MYO5B: variants seen among roughly 807,000 people sequenced by gnomAD.
MYO5B encodes the protein unconventional myosin-Vb.
A neutral mutation model predicts 229.3 loss-of-function variants in MYO5B; 143 were observed. The ratio of observed to expected loss-of-function variants is 0.62; its 90% CI spans 0.54 to 0.72. The LOEUF (loss-of-function observed/expected upper bound fraction) is 0.72. Ranked by LOEUF, MYO5B falls within the 30% of genes least tolerant of loss-of-function variation. MYO5B has a pLI of 0.00. For synonymous variants in MYO5B, 918 were observed against 885.2 expected, an observed-to-expected ratio of 1.04 and a Z score of -0.66; for missense variants, 2,321 against 2,331.0, an observed-to-expected ratio of 1.00 and a Z score of 0.09.
intron 10 of MYO5B, among the ~76,000 whole-genome samples, chr18:49,963,415 A>AATTTATTT (rs1159034209): frequency 8.6e-4 from 127 of 148,024 alleles, no homozygotes; most frequent in East Asian, 6.4e-3. Flanking sequence ...TTAATTAATT[A>AATTTATTT]ATTTATTTAT....
chr18:50,155,063 G>GA (rs2032658543), intron 1 of MYO5B, among the ~76,000 whole-genome samples: 1 of 152,192 alleles, frequency 6.6e-6, no homozygotes, highest in Non-Finnish European at 1.5e-5. Flanking sequence ...GGACAAATTT[G>GA]AAAAATAGCT....
chr18:49,971,797 G>C (rs1337613615), intron 10 of MYO5B, among the ~76,000 whole-genome samples: 2 of 152,312 alleles, frequency 1.3e-5, no homozygotes, highest in East Asian at 1.9e-4. Context: ...TTAACTCAGA[G>C]AGAGTGTGAA....
chr18:50,052,716 G>A (rs1176598452), intron 2 of MYO5B, among the ~76,000 whole-genome samples: 1 of 129,322 alleles, frequency 7.7e-6, no homozygotes, highest in Non-Finnish European at 1.7e-5. Context: ...AAAAAAAAAA[G>A]GTTAGCATGG....
intron 1 of MYO5B, among the ~76,000 whole-genome samples, chr18:50,063,299 T>C (rs2030735370): frequency 6.6e-6 from 1 of 152,180 alleles, no homozygotes; most frequent in Admixed American, 6.5e-5. Flanking sequence ...TTTCCCCAAA[T>C]GCTTTCCACT....
rs1481057723 is a variant in MYO5B at position 50,194,821 on chromosome 18, C to G, written c.-28G>C. The stretch of plus-strand genomic sequence containing the variant: ...CCCGGGCCGGGCGGGGCTCGGGCCC[C>G]GGCTCCTGGCTGCCCCGCGGCTCTC... On this transcript the variant is annotated 5_prime_UTR_variant, in exon 1 of 40. Transcript: ENST00000285039. The G allele has an allele frequency of 2.3e-6, 3 of 1,312,218 alleles. No individual in the cohort carries two copies. In the South Asian group the frequency reaches 6.6e-5, roughly 29 times the overall value. The allele number at this position is 1,312,218 out of a possible 1,614,324, so 81.3% of individuals were successfully genotyped here. A position where few individuals can be genotyped will look rare whatever the true frequency, so the allele number is the denominator to read the frequency against.
chr18:50,057,056 T>C (rs1845966686), intron 1 of MYO5B, among the ~76,000 whole-genome samples: 1 of 152,238 alleles, frequency 6.6e-6, no homozygotes, highest in African/African-American at 2.4e-5. Flanking sequence ...AACAAAGAGC[T>C]TTATTGCATC....
intron 4 of MYO5B, among the ~76,000 whole-genome samples, chr18:50,032,707 C>T (rs1028804088): frequency 2.0e-5 from 3 of 152,156 alleles, no homozygotes; most frequent in Non-Finnish European, 4.4e-5. Context: ...GTTCTCAGGC[C>T]GGGCATGGAG....
chr18:50,163,617 T>C (rs1281980130), intron 1 of MYO5B, among the ~76,000 whole-genome samples: 2 of 152,176 alleles, frequency 1.3e-5, no homozygotes, highest in East Asian at 3.8e-4. Flanking sequence ...TTTTCTGCAG[T>C]GCATTCCTGA....
At chr18:49,908,674 G>T (rs1216934700) in intron 18 of MYO5B, among the ~76,000 whole-genome samples, 1 of 152,128 alleles carries the variant, frequency 6.6e-6, no homozygotes, top group Non-Finnish European at 1.5e-5. Flanking sequence ...GAAGATTCAG[G>T]CTTGCACGAC....
chr18:50,015,124 G>C (rs1395937439), intron 4 of MYO5B, among the ~76,000 whole-genome samples: 1 of 152,194 alleles, frequency 6.6e-6, no homozygotes, highest in East Asian at 1.9e-4. Context: ...CTCTGCAGTG[G>C]GTTCACGGGA....
At chr18:50,088,606 C>T (rs1403034688) in intron 1 of MYO5B, among the ~76,000 whole-genome samples, 1 of 152,260 alleles carries the variant, frequency 6.6e-6, no homozygotes, top group Non-Finnish European at 1.5e-5. Context: ...GCCTCACCCT[C>T]TTTCAAGGAC....
At chr18:50,083,697 T>G (rs1440554158) in intron 1 of MYO5B, among the ~76,000 whole-genome samples, 3 of 152,214 alleles carry the variant, frequency 2.0e-5, no homozygotes, top group Non-Finnish European at 1.5e-5. Flanking sequence ...TCCCCTCATC[T>G]GTTCAACCAT....
intron 1 of MYO5B, among the ~76,000 whole-genome samples, chr18:50,114,411 C>T (rs1240463163): frequency 6.6e-6 from 1 of 152,174 alleles, no homozygotes; most frequent in Non-Finnish European, 1.5e-5. Context: ...CGCACTGACT[C>T]CTCCAAGCTA....
At chr18:50,144,317 C>G (rs982802745) in intron 1 of MYO5B, among the ~76,000 whole-genome samples, 4 of 152,154 alleles carry the variant, frequency 2.6e-5, no homozygotes, top group African/African-American at 7.2e-5. Context: ...CATCTTGCTG[C>G]CAACTCAAGA....
chr18:49,867,188 A>G (rs1180566510), intron 27 of MYO5B, among the ~76,000 whole-genome samples: 2 of 152,204 alleles, frequency 1.3e-5, no homozygotes, highest in South Asian at 2.1e-4. Context: ...GGCATGGCCC[A>G]TGGCAGGGAG....
At chr18:49,962,134 C>T in intron 12 of MYO5B, 132 bp downstream of exon 12, 3 of 1,174,540 alleles carry the variant, frequency 2.6e-6, no homozygotes, top group Non-Finnish European at 2.5e-6. Context: ...TAGTATGCAG[C>T]CTGCCAACGC....
intron 4 of MYO5B, among the ~76,000 whole-genome samples, chr18:50,035,906 T>C (rs549551603): frequency 5.1e-4 from 78 of 152,188 alleles, no homozygotes; most frequent in Non-Finnish European, 1.0e-3. Flanking sequence ...TAAAGCACTA[T>C]AAATCTGCAA....
intron 1 of MYO5B, among the ~76,000 whole-genome samples, chr18:50,145,223 C>CAT (rs763525029): frequency 6.6e-6 from 1 of 152,246 alleles, no homozygotes; most frequent in East Asian, 1.9e-4. Flanking sequence ...TGCAGCTCCT[C>CAT]ATGCCTGCAA....
intron 18 of MYO5B, among the ~76,000 whole-genome samples, chr18:49,910,547 C>T (rs1289778522): frequency 6.6e-6 from 1 of 151,730 alleles, no homozygotes; most frequent in Non-Finnish European, 1.5e-5. Context: ...ATTAACCAGC[C>T]TGTTACCCCC....
Sources: allele counts gnomAD v4.1 joint callset (sites outside exome capture counted in the v4.1 genomes callset), GRCh38; gene constraint gnomAD v4.1.1; transcripts MANE v1.5; gene names NCBI Gene and HGNC (gene_info 2026-07-23, HGNC 2026-07-21).